LEMD2: variants seen among roughly 807,000 people sequenced by gnomAD.
The protein encoded by LEMD2 is LEM domain-containing protein 2.
In LEMD2, 34 loss-of-function variants were observed where a neutral mutation model predicts 58.8. That is an observed-to-expected ratio of 0.58 (90% CI 0.44 to 0.77). The LOEUF (loss-of-function observed/expected upper bound fraction) is 0.77, where lower values mean the gene tolerates loss of function less well. LEMD2 is among the 30% of genes least tolerant of loss of function. The pLI, the probability that LEMD2 is intolerant of heterozygous loss-of-function variation, is 0.00. For synonymous variants in LEMD2, 298 were observed against 308.9 expected, an observed-to-expected ratio of 0.96 and a Z score of 0.37; for missense variants, 629 against 717.9, an observed-to-expected ratio of 0.88 and a Z score of 1.42.
chr6:33,773,705 G>A (rs1273696814), intron 8 of LEMD2, among the ~76,000 whole-genome samples: 3 of 152,156 alleles, frequency 2.0e-5, no homozygotes, highest in Non-Finnish European at 4.4e-5. Context: ...CACATTCCCT[G>A]GGGACTGAGC....
intron 1 of LEMD2, chr6:33,787,246 TACCA>T (rs1767699479): frequency 6.8e-6 from 1 of 146,178 alleles, no homozygotes. Context: ...CAGCAGTGAG[TACCA>T]GTGTGATACT....
intron 6 of LEMD2, among the ~76,000 whole-genome samples, chr6:33,777,946 G>C (rs546102919): frequency 6.6e-5 from 10 of 152,250 alleles, no homozygotes; most frequent in African/African-American, 7.2e-5. Flanking sequence ...GAGCCCAGAA[G>C]GGGTGGGGCC....
chr6:33,771,358 G>A lies in LEMD2; in HGVS notation c.*1270C>T, dbSNP rs1767285483. The A allele has an allele frequency of 6.6e-6, 1 of 152,256 alleles. No homozygotes were observed. The highest frequency in any genetic ancestry group is 1.5e-5 in the Non-Finnish European group (1 of 68,070). 9.4% of individuals were successfully genotyped at this position (152,256 alleles called of 1,614,324 possible). The stretch of plus-strand genomic sequence containing the variant: ...CCAGCGCTCAGATTCCTGCCCTGCC[G>A]ATCATCCAGACATCAGAGGAAATGA... On this transcript the variant is annotated 3_prime_UTR_variant, in exon 9 of 9. Transcript: ENST00000293760.
chr6:33,776,790 G>A lies in LEMD2; in HGVS notation c.1361+164C>T. On this transcript the variant is annotated intron_variant, in intron 8 of 8. Coordinates refer to ENST00000293760, the MANE Select transcript of LEMD2 (RefSeq NM_181336.4). ...AGCTCATCCTGCCATAAAGAGCCGA[G>A]CATGCTGGGGAGCAGCAGGAGTGGG... 6.2e-6 allele frequency: 4 copies of A among 643,526 alleles called. No homozygotes were observed. In the Admixed American group the frequency reaches 9.4e-5, roughly 15 times the overall value. The allele number at this position is 643,526 out of a possible 1,614,324, so 39.9% of individuals were successfully genotyped here.
intron 8 of LEMD2, among the ~76,000 whole-genome samples, chr6:33,773,726 T>C (rs1289228517): frequency 6.6e-6 from 1 of 152,224 alleles, no homozygotes; most frequent in African/African-American, 2.4e-5. Flanking sequence ...TCCAAGGTGC[T>C]GGGTCCCTGA....
intron 8 of LEMD2, among the ~76,000 whole-genome samples, chr6:33,776,206 G>A (rs1767426183): frequency 6.6e-6 from 1 of 152,258 alleles, no homozygotes; most frequent in African/African-American, 2.4e-5. Context: ...ATGCATGAGT[G>A]TACGCATGCG....
chr6:33,775,647 AT>A (rs1370649976), intron 8 of LEMD2, among the ~76,000 whole-genome samples: 4 of 152,064 alleles, frequency 2.6e-5, no homozygotes, highest in Non-Finnish European at 5.9e-5. Flanking sequence ...TATTTTTCTG[AT>A]TCCTCTTGGG....
In LEMD2 at chr6:33,781,530, CG is replaced by C. The variant is rs1767565527; in HGVS notation, c.854-378del. The C allele has an allele frequency of 3.6e-5, 7 of 193,768 alleles. No homozygotes were observed. In the South Asian group the frequency reaches 6.1e-4, roughly 17 times the overall value. 12.0% of individuals were successfully genotyped at this position (193,768 alleles called of 1,614,324 possible). On this transcript the variant is annotated intron_variant, in intron 3 of 8. Transcript: ENST00000293760. ...AAAGGCAGGGAGGCCATGGGCACCACGGGGATTCTGACTCATGACACAGGCA... is the reference window on the plus strand; with the variant it reads ...AAAGGCAGGGAGGCCATGGGCACCACGGGATTCTGACTCATGACACAGGCA...
chr6:33,773,832 C>T (rs1459589172), intron 8 of LEMD2, among the ~76,000 whole-genome samples: 1 of 152,202 alleles, frequency 6.6e-6, no homozygotes, highest in East Asian at 1.9e-4. Context: ...CCCAAGCAGG[C>T]CCTCATCTAC....
chr6:33,779,671 G>C (rs2127380304), intron 5 of LEMD2: 1 of 161,892 alleles, frequency 6.2e-6, no homozygotes, highest in South Asian at 1.8e-4. Flanking sequence ...ATAAAATCCA[G>C]TATTTCCTTA....
intron 5 of LEMD2, chr6:33,779,188 C>A (rs1767508757): frequency 6.6e-6 from 1 of 152,024 alleles, no homozygotes; most frequent in African/African-American, 2.4e-5. Context: ...GTGAGCGCTG[C>A]TGCTGAGGAT....
intron 1 of LEMD2, 78 bp downstream of exon 1, chr6:33,788,303 G>A: frequency 1.4e-6 from 2 of 1,394,198 alleles, no homozygotes; most frequent in Non-Finnish European, 1.9e-6. Flanking sequence ...TGCGCGGCCT[G>A]GCGCCGACAG....
At chr6:33,773,596 G>GGA (rs201053667) in intron 8 of LEMD2, among the ~76,000 whole-genome samples, 1 of 114,494 alleles carries the variant, frequency 8.7e-6, no homozygotes, top group Non-Finnish European at 2.2e-5. Flanking sequence ...TCAGGAGGCG[G>GGA]GGGGGGGGCT....
At chr6:33,780,030 G>A (rs962081424) in intron 5 of LEMD2, 70 bp downstream of exon 5, 2 of 1,307,842 alleles carry the variant, frequency 1.5e-6, no homozygotes, top group Admixed American at 2.0e-5. Context: ...TTGGAGCACG[G>A]GTGTTAGCTG....
rs564601936 is a variant in LEMD2 at position 33,780,154 on chromosome 6, T to G, written c.956A>C (p.Lys319Thr). The change falls in exon 5 of 9, where the codon AAG becomes ACG. Residue 319 changes from lysine to threonine, a missense_variant. By Grantham distance (78) the Lys-to-Thr change is moderately conservative. Around this residue, in one of 2 missense-constraint regions of LEMD2, gnomAD observed 243 missense variants for 336.8 expected, o/e 0.72. Transcript: ENST00000293760. ...IANVTSSSSA[K>T]FEAALTWILS... is the part of the protein sequence containing the mutation. ...TATCCAGGTCAGTGCGGCTTCAAAC[T>G]TGGCGGAGGAGCTGCTGGTCACATT... 11 of 1,594,826 alleles carry G rather than the reference T, an allele frequency of 6.9e-6. No homozygotes were observed. The highest frequency in any genetic ancestry group is 6.8e-5 in the South Asian group (6 of 88,000).
Position 33,781,138 on chromosome 6 carries a change from C to T in LEMD2, c.869G>A (p.Gly290Glu). 2 of 1,609,702 alleles carry T rather than the reference C, an allele frequency of 1.2e-6. No homozygotes were observed. Among genetic ancestry groups the T allele is most frequent in the Non-Finnish European group, 8.5e-7 (1 of 1,177,266 alleles). ...LAIQAGNFEC[G>E]NPENLKSKCI... ...TTTGCTTTTTAGATTCTCTGGATTTCCACACTCAAAATTACCTAGGAGAAA... is the reference window on the plus strand; with the variant it reads ...TTTGCTTTTTAGATTCTCTGGATTTTCACACTCAAAATTACCTAGGAGAAA... Residue 290 changes from glycine to glutamate, a missense_variant, in exon 4 of 9, where the codon GGA becomes GAA. Transcript: ENST00000293760.
chr6:33,775,856 G>A (rs1338907777), intron 8 of LEMD2, among the ~76,000 whole-genome samples: 2 of 152,216 alleles, frequency 1.3e-5, no homozygotes, highest in African/African-American at 4.8e-5. Flanking sequence ...AGAGCTCCAA[G>A]TAGTGCCCGG....
chr6:33,782,929 A>C (rs1054033625), intron 3 of LEMD2, among the ~76,000 whole-genome samples: 1 of 152,280 alleles, frequency 6.6e-6, no homozygotes, highest in African/African-American at 2.4e-5. Flanking sequence ...GGAGGGCAAC[A>C]GGTGCCAGGG....
At chr6:33,781,356 C>T (rs927242695) in intron 3 of LEMD2, 1 of 574,688 alleles carries the variant, frequency 1.7e-6, no homozygotes. Flanking sequence ...TAAAACCTGA[C>T]CTGCAAAGCA....
Sources: allele counts gnomAD v4.1 joint callset (sites outside exome capture counted in the v4.1 genomes callset), GRCh38; gene constraint gnomAD v4.1.1; regional missense constraint gnomAD v4.1.1; transcripts MANE v1.5; gene names NCBI Gene and HGNC (gene_info 2026-07-23, HGNC 2026-07-21).